The following CENPI variants were observed in gnomAD, a reference collection of about 807,000 sequenced individuals.
CENPI encodes FSH primary response 1.
In CENPI, 4 loss-of-function variants were observed where a neutral mutation model predicts 60.4. That is an observed-to-expected ratio of 0.07 (90% confidence interval 0.03 to 0.15). The LOEUF (loss-of-function observed/expected upper bound fraction) is 0.15, where lower values mean the gene tolerates loss of function less well. CENPI is among the 10% of genes least tolerant of loss of function. The probability of loss-of-function intolerance (pLI) is 1.00; values close to 1 mark genes in which losing one functional copy is unlikely to be tolerated. For synonymous variants in CENPI, 157 were observed against 189.4 expected (o/e 0.83, Z 1.40); for missense variants, 444 against 534.5 (o/e 0.83, Z 1.67).
intron 7 of CENPI, 88 bp downstream of exon 7, chrX:101,120,538 G>C: frequency 3.3e-6 from 2 of 609,328 alleles, no homozygotes; most frequent in Non-Finnish European, 5.3e-6. Context: ...ATTAGCATTA[G>C]TTATATGACA....
At chrX:101,109,813 C>A in intron 5 of CENPI, 78 bp from the exon 6 acceptor site, 1 of 688,031 alleles carries the variant, frequency 1.5e-6, no homozygotes, top group Non-Finnish European at 2.2e-6. Flanking sequence ...GCCCTGGTGG[C>A]GGGGGACGGG....
intron 6 of CENPI, among the ~76,000 whole-genome samples, chrX:101,117,954 G>A (rs2089639962): frequency 2.7e-5 from 3 of 112,146 alleles, no homozygotes; most frequent in African/African-American, 6.5e-5. Context: ...GCAGGAAAGC[G>A]GTCAGGGTCA....
chrX:101,160,375 CTT>C (rs763855508), intron 20 of CENPI, among the ~76,000 whole-genome samples: 14,077 of 80,954 alleles, frequency 0.17, 998 homozygotes, highest in South Asian at 0.24. Flanking sequence ...GCTTTTAGTT[CTT>C]TTTTTTTTTT....
At chrX:101,120,347 C>G in intron 6 of CENPI, 55 bp from the exon 7 acceptor site, 1 of 552,626 alleles carries the variant, frequency 1.8e-6, no homozygotes, top group Non-Finnish European at 3.0e-6. Flanking sequence ...AATGTGTTGC[C>G]CCTCTGTTCA....
intron 21 of CENPI, among the ~76,000 whole-genome samples, chrX:101,161,997 G>A (rs1010332448): frequency 9.1e-6 from 1 of 109,675 alleles, no homozygotes; most frequent in Non-Finnish European, 1.9e-5. Flanking sequence ...CTGGAGTGCG[G>A]TGGTGTAATC....
At chrX:101,115,980 G>A (rs1023646648) in intron 6 of CENPI, among the ~76,000 whole-genome samples, 3 of 111,007 alleles carry the variant, frequency 2.7e-5, no homozygotes, top group Admixed American at 9.7e-5. Context: ...ACCATGTATC[G>A]GAACTTCATT....
At position 101,120,462 on chromosome X, in the gene CENPI, C is replaced by A; in HGVS notation, c.640+12C>A. ...CAAAAAAGAGAATGGTGAGTATTTT[C>A]ATTACAGTTGTATTATACTTTGTAG... On this transcript the variant is annotated intron_variant, in intron 7 of 21. Coordinates refer to ENST00000682095, the MANE Select transcript of CENPI (RefSeq NM_001386188.2). 1 of 876,968 alleles carries A rather than the reference C, an allele frequency of 1.1e-6. No homozygotes were observed. Among genetic ancestry groups the A allele is most frequent in the Non-Finnish European group, 1.7e-6 (1 of 596,243 alleles). 72.3% of individuals were successfully genotyped at this position (876,968 alleles called of 1,213,427 possible). A position where few individuals can be genotyped will look rare whatever the true frequency, so the allele number is the denominator to read the frequency against.
At chrX:101,144,198 C>T (rs1366624162) in intron 16 of CENPI, among the ~76,000 whole-genome samples, 2 of 104,360 alleles carry the variant, frequency 1.9e-5, no homozygotes, top group Non-Finnish European at 3.9e-5. Context: ...TTCTCCTGCC[C>T]CAGCTTCCCA....
At chrX:101,112,372 G>A (rs1024325839) in intron 6 of CENPI, among the ~76,000 whole-genome samples, 2 of 111,741 alleles carry the variant, frequency 1.8e-5, no homozygotes, top group African/African-American at 6.5e-5. Flanking sequence ...GAACAAGTAC[G>A]ATGTTCTAAA....
chrX:101,162,229 C>T (rs775523929), intron 21 of CENPI, among the ~76,000 whole-genome samples: 202 of 109,028 alleles, frequency 1.9e-3, no homozygotes, highest in Middle Eastern at 4.7e-3. Flanking sequence ...TGTGAGCCCC[C>T]GCACCCGGAG....
At position 101,144,386 on chromosome X, in the gene CENPI, A is replaced by ATT. The variant is rs780043847; in HGVS notation, c.1566-661_1566-660dup. On this transcript the variant is annotated intron_variant, in intron 16 of 21. Coordinates refer to ENST00000682095, the MANE Select transcript of CENPI (RefSeq NM_001386188.2). ...GTGTGAGCCACTGCACCTCGCCTGA[A>ATT]TTTTTTTTTTTTTTTTTTGAAACAG... Among the ~76,000 whole-genome samples, 12 of 89,841 alleles carry ATT rather than the reference A, an allele frequency of 1.3e-4. No individual in the cohort carries two copies. The South Asian group carries it at 3.3e-3, about 25-fold the overall frequency. 78.0% of individuals were successfully genotyped at this position (89,841 alleles called of 115,157 possible). A position where few individuals can be genotyped will look rare whatever the true frequency, so the allele number is the denominator to read the frequency against.
intron 16 of CENPI, 28 bp from the exon 17 acceptor site, chrX:101,145,036 A>T (rs1165545092): frequency 1.7e-6 from 2 of 1,148,399 alleles, no homozygotes; most frequent in Non-Finnish European, 2.4e-6. Context: ...GCTACTCTAT[A>T]TCTGAATGTT....
chrX:101,165,219 T>G lies in CENPI; in HGVS notation c.*2252T>G, dbSNP rs1430124708. Among the ~76,000 whole-genome samples, 2 of 111,694 alleles carry G rather than the reference T, an allele frequency of 1.8e-5. No homozygotes were observed. Among genetic ancestry groups the G allele is most frequent in the African/African-American group, 6.5e-5 (2 of 30,708 alleles). On this transcript the variant is annotated 3_prime_UTR_variant, in exon 22 of 22. Transcript: ENST00000682095. ...GAGAAGAGGAGTGACATAATTTGAT[T>G]TACCTTTATGAAATATGGAGCTACA... is the stretch of plus-strand genomic sequence containing the variant.
chrX:101,162,465 A>T (rs1359204790), intron 21 of CENPI, among the ~76,000 whole-genome samples: 2 of 90,308 alleles, frequency 2.2e-5, no homozygotes, highest in South Asian at 4.6e-4. Flanking sequence ...CAAAAAAAAA[A>T]AAAAAAAAAT....
intron 6 of CENPI, among the ~76,000 whole-genome samples, chrX:101,113,163 CTTTTTT>C (rs1242244031): frequency 9.2e-6 from 1 of 108,141 alleles, no homozygotes; most frequent in Non-Finnish European, 1.9e-5. Context: ...TTTTCTTTTT[CTTTTTT>C]TTCTCTTCTT....
At chrX:101,143,822 C>T (rs1291485793) in intron 16 of CENPI, among the ~76,000 whole-genome samples, 1 of 112,198 alleles carries the variant, frequency 8.9e-6, no homozygotes, top group Admixed American at 9.5e-5. Flanking sequence ...AGCCACTGCC[C>T]CCAGCCAAAT....
At chrX:101,141,593 C>T (rs2089915354) in intron 16 of CENPI, among the ~76,000 whole-genome samples, 1 of 111,760 alleles carries the variant, frequency 8.9e-6, no homozygotes, top group African/African-American at 3.2e-5. Context: ...ATCTGCCCGC[C>T]TCAGCTTTCC....
chrX:101,111,419 G>A (rs949490937), intron 6 of CENPI, among the ~76,000 whole-genome samples: 9 of 110,438 alleles, frequency 8.1e-5, no homozygotes, highest in Admixed American at 2.9e-4. Flanking sequence ...TCACCTTAGC[G>A]TTGATGGTGC....
At position 101,163,208 on chromosome X, in the gene CENPI, C is replaced by T. The variant is rs190008714; in HGVS notation, c.*241C>T. 3.2e-3 allele frequency: 997 copies of T among 309,518 alleles called. 5 individuals carry two copies. The highest frequency in any genetic ancestry group is 0.017 in the African/African-American group (600 of 35,850). 25.5% of individuals were successfully genotyped at this position (309,518 alleles called of 1,213,427 possible). ...CCCCTTCATCATCAGGCTCTGCGTT[C>T]TACCAAATTGTATGTAAAAAGACAC... On this transcript the variant is annotated 3_prime_UTR_variant, in exon 22 of 22. Coordinates refer to ENST00000682095, the MANE Select transcript of CENPI (RefSeq NM_001386188.2).
Sources: allele counts gnomAD v4.1 joint callset (sites outside exome capture counted in the v4.1 genomes callset), GRCh38; gene constraint gnomAD v4.1.1; transcripts MANE v1.5; gene names NCBI Gene and HGNC (gene_info 2026-07-23, HGNC 2026-07-21).